The following ATP6AP2 variants were observed in gnomAD, a reference collection of about 807,000 sequenced individuals.
ATP6AP2 encodes the protein renin receptor.
A neutral mutation model predicts 23.4 loss-of-function variants in ATP6AP2; 1 was observed. That is an observed-to-expected ratio of 0.04 (90% CI 0.02 to 0.20). The LOEUF (loss-of-function observed/expected upper bound fraction) is 0.20. Ranked by LOEUF, ATP6AP2 falls within the 10% of genes least tolerant of loss-of-function variation. The pLI is 1.00. For missense variants in ATP6AP2, 174 were observed against 271.3 expected, an observed-to-expected ratio of 0.64 and a Z score of 2.52; for synonymous variants, 90 against 97.1, an observed-to-expected ratio of 0.93 and a Z score of 0.43.
Position 40,589,447 on chromosome X carries a change from A to C in ATP6AP2, c.168+331A>C, listed in dbSNP as rs376849666. 2.4e-5 allele frequency: 5 copies of C among 210,941 alleles called. No individual in the cohort carries two copies. In the East Asian group the frequency reaches 4.6e-4, roughly 19 times the overall value. 17.4% of individuals were successfully genotyped at this position (210,941 alleles called of 1,213,427 possible). A position where few individuals can be genotyped will look rare whatever the true frequency, so the allele number is the denominator to read the frequency against. The stretch of plus-strand genomic sequence containing the variant: ...ATGAGTGCTTCAAGCTTGGCTTCTG[A>C]AACAAATCATTAGAAATCATTAACT... On this transcript the variant is annotated intron_variant, in intron 2 of 8. Transcript: ENST00000636580.
At chrX:40,587,040 C>T (rs986810030) in intron 1 of ATP6AP2, among the ~76,000 whole-genome samples, 8 of 112,411 alleles carry the variant, frequency 7.1e-5, no homozygotes, top group South Asian at 7.4e-4. Context: ...GAGGCTGAGG[C>T]GGGCCGATCA....
Position 40,597,249 on chromosome X carries a change from G to A in ATP6AP2, c.301G>A (p.Ala101Thr). ...TTGCGTTCTTACTCTTAAATTTCAG[G>A]CAGTTCCTTTTAGTCTTGACAGTGT... ...GSVISYPLEN[A>T]VPFSLDSVAN... The change falls in exon 4 of 9, where the codon GCA (alanine) becomes ACA (threonine). Residue 101 changes from alanine to threonine, a missense_variant and splice_region_variant. Ala to Thr is a moderately conservative substitution (Grantham distance 58, BLOSUM62 0). Coordinates refer to ENST00000636580, the MANE Select transcript of ATP6AP2 (RefSeq NM_005765.3). The A allele has an allele frequency of 8.4e-7, 1 of 1,187,585 alleles. No homozygotes were observed. Among genetic ancestry groups the A allele is most frequent in the Non-Finnish European group, 1.1e-6 (1 of 873,845 alleles).
intron 1 of ATP6AP2, among the ~76,000 whole-genome samples, chrX:40,582,666 A>T (rs907030211): frequency 8.9e-6 from 1 of 112,033 alleles, no homozygotes; most frequent in Non-Finnish European, 1.9e-5. Context: ...TTTCTGATCT[A>T]CTGAGATACT....
At chrX:40,603,748 CTTTTCTT>C in intron 8 of ATP6AP2, among the ~76,000 whole-genome samples, 1 of 110,755 alleles carries the variant, frequency 9.0e-6, no homozygotes, top group Admixed American at 9.7e-5. Flanking sequence ...TATCTTTTTT[CTTTTCTT>C]TTTTTGAGAC....
chrX:40,582,937 A>G (rs1364255000), intron 1 of ATP6AP2, among the ~76,000 whole-genome samples: 1 of 112,253 alleles, frequency 8.9e-6, no homozygotes, highest in Non-Finnish European at 1.9e-5. Context: ...TGAATTGCTC[A>G]GTCTTGTCAG....
At chrX:40,598,973 C>T (rs1309926811) in intron 6 of ATP6AP2, 2 of 396,413 alleles carry the variant, frequency 5.0e-6, no homozygotes, top group Admixed American at 4.3e-5. Context: ...CAAGCCTGGG[C>T]GTAAGAACAC....
chrX:40,594,085 C>CA (rs200265474), intron 3 of ATP6AP2, among the ~76,000 whole-genome samples: 3,064 of 110,148 alleles, frequency 0.028, 100 homozygotes, highest in African/African-American at 0.095. Context: ...ACTTTTACCA[C>CA]AAAAAAAATA....
chrX:40,597,680 C>G lies in ATP6AP2; in HGVS notation c.534+16C>G. On this transcript the variant is annotated intron_variant, in intron 5 of 8. Coordinates refer to ENST00000636580, the MANE Select transcript of ATP6AP2 (RefSeq NM_005765.3). ...GAACAATGAAGTAAGTGCAGTTATT[C>G]AATGAATACATGAATATCATTAATT... The G allele has an allele frequency of 8.5e-7, 1 of 1,183,124 alleles. No homozygotes were observed. Among genetic ancestry groups the G allele is most frequent in the Non-Finnish European group, 1.1e-6 (1 of 869,959 alleles).
chrX:40,583,274 T>C (rs1440357677), intron 1 of ATP6AP2, among the ~76,000 whole-genome samples: 1 of 111,591 alleles, frequency 9.0e-6, no homozygotes, highest in African/African-American at 3.3e-5. Flanking sequence ...CATCCACCAT[T>C]CGTAGACGAT....
intron 2 of ATP6AP2, chrX:40,590,222 T>G (rs969502400): frequency 2.7e-5 from 3 of 111,646 alleles, no homozygotes; most frequent in Non-Finnish European, 3.8e-5. Context: ...AGCTGATTTT[T>G]TAATTTTTTG....
intron 3 of ATP6AP2, chrX:40,595,919 C>T (rs1926764874): frequency 8.9e-6 from 1 of 111,868 alleles, no homozygotes. Flanking sequence ...TGGCTCACGC[C>T]TGTAATCCCA....
chrX:40,594,914 T>G (rs1926739197), intron 3 of ATP6AP2, among the ~76,000 whole-genome samples: 1 of 111,706 alleles, frequency 9.0e-6, no homozygotes, highest in South Asian at 3.7e-4. Context: ...TTTAGACAAT[T>G]TAGGTTGTCT....
At chrX:40,598,410 T>G in intron 5 of ATP6AP2, 1 of 366,880 alleles carries the variant, frequency 2.7e-6, no homozygotes, top group South Asian at 3.9e-5. Context: ...GGAAAACCAC[T>G]GGAGAACTTG....
At chrX:40,581,387 GA>G (rs1202683009) in intron 1 of ATP6AP2, among the ~76,000 whole-genome samples, 1 of 113,269 alleles carries the variant, frequency 8.8e-6, no homozygotes, top group Non-Finnish European at 1.9e-5. Flanking sequence ...TCTTGCGCCT[GA>G]AAAGGCCCTT....
At chrX:40,596,656 G>A (rs1926782805) in intron 3 of ATP6AP2, among the ~76,000 whole-genome samples, 1 of 111,416 alleles carries the variant, frequency 9.0e-6, no homozygotes, top group African/African-American at 3.3e-5. Context: ...AAAAAAGTAG[G>A]TCTTATCACC....
chrX:40,598,573 C>T, intron 5 of ATP6AP2, 108 bp from the exon 6 acceptor site: 1 of 724,524 alleles, frequency 1.4e-6, no homozygotes, highest in East Asian at 3.2e-5. Context: ...TATAAATTCA[C>T]TTATATGATC....
rs1485332853 is a variant in ATP6AP2 at position 40,605,569 on chromosome X, A to C, written c.867A>C (p.Pro289=). Residue 289 remains proline, a synonymous_variant, in exon 9 of 9, where the codon CCA becomes CCC. Coordinates refer to ENST00000636580, the MANE Select transcript of ATP6AP2 (RefSeq NM_005765.3). ...TCTTTTCTATATTGTAGAAGAACCC[A>C]GCAAGTCCCTATAACCTTGCATATA... is the stretch of plus-strand genomic sequence containing the variant. ...TILEAKQAKN[P]ASPYNLAYKY... 8.3e-7 allele frequency: 1 copy of C among 1,201,283 alleles called. No individual in the cohort carries two copies. The highest frequency in any genetic ancestry group is 1.1e-6 in the Non-Finnish European group (1 of 887,695).
Position 40,598,977 on chromosome X carries a change from A to C in ATP6AP2, c.588+243A>C, listed in dbSNP as rs777390475. The C allele has an allele frequency of 1.5e-5, 6 of 398,550 alleles. No individual in the cohort carries two copies. The East Asian group carries it at 2.6e-4, about 17-fold the overall frequency. The allele number at this position is 398,550 out of a possible 1,213,427, so 32.8% of individuals were successfully genotyped here. On this transcript the variant is annotated intron_variant, in intron 6 of 8. Transcript: ENST00000636580. ...TTCCAAGAACACAAGCCTGGGCGTA[A>C]GAACACCCTGGCCATAGTCCTAACT...
chrX:40,601,354 T>C (rs1011536263), intron 8 of ATP6AP2, among the ~76,000 whole-genome samples: 1 of 111,498 alleles, frequency 9.0e-6, no homozygotes, highest in African/African-American at 3.3e-5. Context: ...CCACATCCTA[T>C]GGGCTCTGCT....
Sources: gnomAD v4.1 joint callset for allele counts (sites outside exome capture counted in the v4.1 genomes callset) on GRCh38, gnomAD v4.1.1 for gene constraint, MANE v1.5 for transcripts, NCBI Gene and HGNC (gene_info 2026-07-23, HGNC 2026-07-21) for gene names.